Variants in CNTNAP2 observed in about 807,000 individuals in gnomAD.
The protein encoded by CNTNAP2 is contactin associated protein 2.
Under a neutral mutation model 155.2 loss-of-function variants are expected in CNTNAP2, and 98 were observed. The ratio of observed to expected loss-of-function variants is 0.63; its 90% CI spans 0.54 to 0.75. The LOEUF (loss-of-function observed/expected upper bound fraction) is 0.75, where lower values mean the gene tolerates loss of function less well. Ranked by LOEUF, CNTNAP2 falls within the 30% of genes least tolerant of loss-of-function variation. The probability of loss-of-function intolerance (pLI) is 0.00; values close to 1 mark genes in which losing one functional copy is unlikely to be tolerated. For missense variants in CNTNAP2, 1,727 were observed against 1,688.1 expected (o/e 1.02, Z -0.40); for synonymous variants, 651 against 631.2 (o/e 1.03, Z -0.47).
chr7:146,611,145 G>A (rs536420760), intron 1 of CNTNAP2, among the ~76,000 whole-genome samples: 32 of 152,210 alleles, frequency 2.1e-4, no homozygotes, highest in African/African-American at 7.0e-4. Context: ...TCGCTCTGTC[G>A]CCAAGGCTGG....
intron 13 of CNTNAP2, among the ~76,000 whole-genome samples, chr7:147,814,846 A>G (rs1487000222): frequency 1.3e-5 from 2 of 152,214 alleles, no homozygotes; most frequent in African/African-American, 4.8e-5. Flanking sequence ...ACAAATAATC[A>G]TCCTATAAAC....
At chr7:146,558,466 T>C (rs948174572) in intron 1 of CNTNAP2, among the ~76,000 whole-genome samples, 12 of 152,158 alleles carry the variant, frequency 7.9e-5, no homozygotes, top group Non-Finnish European at 2.9e-5. Flanking sequence ...ACATATTTAA[T>C]GTATCCAACT....
intron 21 of CNTNAP2, among the ~76,000 whole-genome samples, chr7:148,287,535 C>T (rs530471188): frequency 9.5e-4 from 145 of 152,216 alleles, no homozygotes; most frequent in South Asian, 7.0e-3. Context: ...CATCTTAATC[C>T]CAAAGCAACT....
In CNTNAP2 at chr7:146,875,507, C is replaced by G. The variant is rs145039873; in HGVS notation, c.402+35603C>G. On this transcript the variant is annotated intron_variant, in intron 3 of 23. Coordinates refer to ENST00000361727, the MANE Select transcript of CNTNAP2 (RefSeq NM_014141.6). ...AAAGTGCTTTGCCAGTTTTAAAACA[C>G]GAAACTGTCTTTCTCAAAAGACCTG... 1.1e-3 allele frequency among the ~76,000 whole-genome samples: 163 copies of G among 152,152 alleles called. 1 individual carries two copies. Among genetic ancestry groups the G allele is most frequent in the African/African-American group, 3.5e-3 (144 of 41,532 alleles).
At chr7:147,562,450 CA>C (rs1453707337) in intron 12 of CNTNAP2, among the ~76,000 whole-genome samples, 193 bp downstream of exon 12, 1 of 152,034 alleles carries the variant, frequency 6.6e-6, no homozygotes, top group Non-Finnish European at 1.5e-5. Flanking sequence ...CTGTGCTTTT[CA>C]AAAAGTTCAT....
In CNTNAP2 at chr7:146,359,052, G is replaced by GGTA. The variant is rs59470557; in HGVS notation, c.97+242081_97+242083dup. Among the ~76,000 whole-genome samples the GGTA allele has an allele frequency of 8.5e-3, 1,301 of 152,284 alleles. 16 individuals carry two copies. Among genetic ancestry groups the GGTA allele is most frequent in the African/African-American group, 0.03 (1,237 of 41,556 alleles). The stretch of plus-strand genomic sequence containing the variant: ...ATCTTAATTAGAAAGACTATTTTAT[G>GGTA]GTAGGAGGAAGTATAGTCCCATTTA... On this transcript the variant is annotated intron_variant, in intron 1 of 23. Transcript: ENST00000361727.
At chr7:146,997,729 T>A (rs931296308) in intron 3 of CNTNAP2, among the ~76,000 whole-genome samples, 2 of 152,122 alleles carry the variant, frequency 1.3e-5, no homozygotes, top group African/African-American at 4.8e-5. Flanking sequence ...ATCTCCTTAT[T>A]CAATATTGGT....
intron 13 of CNTNAP2, among the ~76,000 whole-genome samples, chr7:147,758,951 T>C (rs1334833731): frequency 6.6e-6 from 1 of 152,236 alleles, no homozygotes; most frequent in Admixed American, 6.5e-5. Context: ...TTTCTTTAGA[T>C]TTCCTTCCAG....
intron 23 of CNTNAP2, among the ~76,000 whole-genome samples, chr7:148,412,819 G>A (rs116992367): frequency 7.6e-4 from 116 of 152,314 alleles, no homozygotes; most frequent in East Asian, 5.6e-3. Context: ...GATATTGGCC[G>A]TAGGTTTCCA....
chr7:147,432,589 C>A (rs1248735101), intron 10 of CNTNAP2, among the ~76,000 whole-genome samples: 1 of 152,180 alleles, frequency 6.6e-6, no homozygotes, highest in Non-Finnish European at 1.5e-5. Flanking sequence ...GTCCAGTGAG[C>A]ACCAAGAAAC....
intron 15 of CNTNAP2, among the ~76,000 whole-genome samples, chr7:148,007,072 C>T (rs1180368085): frequency 6.6e-6 from 1 of 152,220 alleles, no homozygotes; most frequent in Non-Finnish European, 1.5e-5. Context: ...CCAAACAATT[C>T]AGCAGCTCTT....
chr7:146,419,590 T>A (rs1180774136), intron 1 of CNTNAP2, among the ~76,000 whole-genome samples: 1 of 152,098 alleles, frequency 6.6e-6, no homozygotes, highest in Non-Finnish European at 1.5e-5. Context: ...ATTAAAAAAA[T>A]TCAATAGTAA....
intron 10 of CNTNAP2, among the ~76,000 whole-genome samples, chr7:147,442,908 G>A (rs1797667373): frequency 1.3e-5 from 2 of 152,078 alleles, no homozygotes; most frequent in African/African-American, 4.8e-5. Context: ...CCAGTCTTCT[G>A]TCTCCTGTCC....
intron 1 of CNTNAP2, among the ~76,000 whole-genome samples, chr7:146,146,743 C>G (rs777922005): frequency 5.3e-5 from 8 of 152,152 alleles, no homozygotes. Flanking sequence ...TTATTAATAG[C>G]TAAACAATAT....
intron 1 of CNTNAP2, among the ~76,000 whole-genome samples, chr7:146,738,991 C>T (rs779053470): frequency 2.6e-5 from 4 of 151,608 alleles, no homozygotes; most frequent in African/African-American, 4.8e-5. Context: ...TATAACGTCT[C>T]GTCTCTTTGT....
rs193168554 is a variant in CNTNAP2, at chr7:147,540,253, A to G, written c.1778-21885A>G. ...CTGAGTGTCACTCCAGACCCCCCAG[A>G]ACATCACACTCTTACCTCCATCCTT... is the stretch of plus-strand genomic sequence containing the variant. On this transcript the variant is annotated intron_variant, in intron 11 of 23. Transcript: ENST00000361727. Among the ~76,000 whole-genome samples the G allele has an allele frequency of 5.3e-5, 8 of 152,118 alleles. No individual in the cohort carries two copies. In the East Asian group the frequency reaches 1.6e-3, roughly 30 times the overall value.
intron 19 of CNTNAP2, among the ~76,000 whole-genome samples, chr7:148,226,842 G>A (rs904396972): frequency 1.3e-5 from 2 of 152,156 alleles, no homozygotes; most frequent in Non-Finnish European, 2.9e-5. Flanking sequence ...CTCTCAAGTC[G>A]CCCGCTTGGC....
chr7:146,608,714 A>G (rs1163251101), intron 1 of CNTNAP2, among the ~76,000 whole-genome samples: 2 of 152,096 alleles, frequency 1.3e-5, no homozygotes, highest in Non-Finnish European at 2.9e-5. Context: ...GATCAATTGT[A>G]TATTTTTAAG....
At chr7:146,798,344 T>C (rs1023870781) in intron 2 of CNTNAP2, among the ~76,000 whole-genome samples, 2 of 151,892 alleles carry the variant, frequency 1.3e-5, no homozygotes, top group African/African-American at 4.8e-5. Flanking sequence ...TAATTTAGCA[T>C]GTTTTCTTTA....
Sources: allele counts gnomAD v4.1 joint callset (sites outside exome capture counted in the v4.1 genomes callset), GRCh38; gene constraint gnomAD v4.1.1; transcripts MANE v1.5; gene names NCBI Gene and HGNC (gene_info 2026-07-23, HGNC 2026-07-21).